Variants in OPRM1 observed in about 807,000 individuals in gnomAD.
OPRM1 encodes opioid receptor mu 1.
In OPRM1, 27 loss-of-function variants were observed where a neutral mutation model predicts 31.8. The observed-to-expected ratio is 0.85, with a 90% confidence interval of 0.63 to 1.17. The LOEUF is 1.17. Ranked by LOEUF, OPRM1 falls within the 50% of genes most tolerant of loss-of-function variation. The pLI, the probability that OPRM1 is intolerant of heterozygous loss-of-function variation, is 0.00. For missense variants in OPRM1, 536 were observed against 511.1 expected (o/e 1.05, Z -0.47); for synonymous variants, 196 against 189.9 (o/e 1.03, Z -0.26).
chr6:154,105,705 T>C (rs1795474663), intron 3 of OPRM1, among the ~76,000 whole-genome samples: 1 of 152,206 alleles, frequency 6.6e-6, no homozygotes, highest in Non-Finnish European at 1.5e-5. Flanking sequence ...ATATTAGAAT[T>C]ATAGGAGTTT....
At chr6:154,044,983 G>C (rs1583204557) in intron 1 of OPRM1, among the ~76,000 whole-genome samples, 2 of 151,564 alleles carry the variant, frequency 1.3e-5, no homozygotes, top group Admixed American at 6.5e-5. Flanking sequence ...CCAGCGCTTT[G>C]GGAGGCTGAG....
chr6:154,041,054 C>A (rs907718739), intron 1 of OPRM1, among the ~76,000 whole-genome samples: 3 of 151,942 alleles, frequency 2.0e-5, no homozygotes, highest in African/African-American at 7.3e-5. Flanking sequence ...ACCTATTCAG[C>A]AAGTATTGCA....
rs747703237 is a variant in OPRM1, at chr6:154,090,964, G to T, written c.656G>T (p.Cys219Phe). 1.9e-6 allele frequency: 3 copies of T among 1,613,380 alleles called. No homozygotes were observed. The highest frequency in any genetic ancestry group is 2.5e-6 in the Non-Finnish European group (3 of 1,179,650). ...TCCTTTCTTCTAGGTTCCATAGATT[G>T]TACACTAACATTCTCTCATCCAACC... is the stretch of plus-strand genomic sequence containing the variant. ...TTKYRQGSID[C>F]TLTFSHPTWY... Residue 219 changes from cysteine (C) to phenylalanine (F), a missense_variant, in exon 3 of 4, where the codon TGT (cysteine) becomes TTT (phenylalanine). Physicochemically the swap from Cys to Phe is radical, Grantham distance 205. Transcript: ENST00000330432.
intron 3 of OPRM1, among the ~76,000 whole-genome samples, chr6:154,149,599 T>A (rs541384856): frequency 1.8e-5 from 1 of 56,944 alleles, no homozygotes; most frequent in Non-Finnish European, 3.3e-5. Flanking sequence ...TTCTGGATCG[T>A]GTGTGTGTGT....
intron 3 of OPRM1, chr6:154,107,689 G>C (rs938825395): frequency 4.2e-6 from 3 of 718,540 alleles, no homozygotes; most frequent in Non-Finnish European, 7.8e-6. Flanking sequence ...CTGCCGTGTG[G>C]TTAAAAGGTC....
chr6:154,039,074 A>T, upstream of OPRM1: 1 of 1,414,896 alleles, frequency 7.1e-7, no homozygotes, highest in South Asian at 1.5e-5. Context: ...AAATTGAGTG[A>T]TGTTAGCCCC....
At chr6:154,024,754 T>C (rs989233582) in intron 1 of OPRM1, among the ~76,000 whole-genome samples, 24 of 151,318 alleles carry the variant, frequency 1.6e-4, no homozygotes, top group Admixed American at 1.4e-3. Flanking sequence ...TTATCATTTG[T>C]TTCAAGAATT....
At position 154,130,708 on chromosome 6, in the gene OPRM1, C is replaced by A. The variant is rs191957030; in HGVS notation, c.*11987C>A. ...ATTATATGAAAGTATATATGCCATT[C>A]CATAAAAATATATCTACCAATATAA... On this transcript the variant is annotated 3_prime_UTR_variant, in exon 4 of 4. Transcript: ENST00000330432. Among the ~76,000 whole-genome samples, 1 of 151,522 alleles carries A rather than the reference C, an allele frequency of 6.6e-6. No homozygotes were observed. The highest frequency in any genetic ancestry group is 2.1e-4 in the South Asian group (1 of 4,778).
At chr6:154,116,479 G>A (rs1796887302) in intron 3 of OPRM1, among the ~76,000 whole-genome samples, 1 of 151,820 alleles carries the variant, frequency 6.6e-6, no homozygotes, top group African/African-American at 2.4e-5. Flanking sequence ...CAGCTACTCA[G>A]GAGGCTGAGG....
chr6:154,159,523 T>A (rs1035469312), intron 3 of OPRM1: 3 of 356,894 alleles, frequency 8.4e-6, no homozygotes, highest in Non-Finnish European at 1.5e-5. Flanking sequence ...TGGAGAGCAA[T>A]GAACAGAAGA....
At chr6:154,200,118 A>G (rs1776942931) in intron 3 of OPRM1, 6 of 1,305,442 alleles carry the variant, frequency 4.6e-6, no homozygotes, top group South Asian at 3.0e-5. Flanking sequence ...TTTATTTTCA[A>G]TCACGGTGTC....
chr6:154,152,342 AG>A lies in OPRM1; in HGVS notation c.1164+60871del, dbSNP rs753144151. Among the ~76,000 whole-genome samples the A allele has an allele frequency of 3.3e-3, 64 of 19,592 alleles. 1 individual carries two copies. The highest frequency in any genetic ancestry group is 8.5e-3 in the South Asian group (4 of 470). The allele number at this position is 19,592 out of a possible 152,430, so 12.9% of individuals were successfully genotyped here. ...AAGAAAGAAAGAAAGAAAGAAAGAA[AG>A]AAAGGAAAGAAAGAAAGAAAGAAAG... On this transcript the variant is annotated intron_variant, in intron 3 of 3. Coordinates refer to the OPRM1 transcript ENST00000337049.
At chr6:154,081,588 G>A (rs1373005039) in intron 1 of OPRM1, among the ~76,000 whole-genome samples, 4 of 152,146 alleles carry the variant, frequency 2.6e-5, no homozygotes, top group Non-Finnish European at 5.9e-5. Flanking sequence ...AACTATGACT[G>A]TTACAGCATT....
chr6:154,093,261 C>T, intron 3 of OPRM1: 1 of 1,605,836 alleles, frequency 6.2e-7, no homozygotes, highest in South Asian at 1.1e-5. Context: ...CTGACTCTTT[C>T]TCCTTTAGTG....
At chr6:154,241,099 G>C (rs1175720579) in intron 3 of OPRM1, among the ~76,000 whole-genome samples, 1 of 152,058 alleles carries the variant, frequency 6.6e-6, no homozygotes, top group East Asian at 1.9e-4. Flanking sequence ...AGCTGGGCGT[G>C]GTGGTGCACG....
chr6:154,197,292 A>G (rs1411866438), intron 3 of OPRM1, among the ~76,000 whole-genome samples: 1 of 152,214 alleles, frequency 6.6e-6, no homozygotes, highest in Non-Finnish European at 1.5e-5. Flanking sequence ...AAAATGCACA[A>G]TATGAAATTT....
intron 3 of OPRM1, chr6:154,093,600 A>G: frequency 7.1e-7 from 1 of 1,413,692 alleles, no homozygotes; most frequent in Non-Finnish European, 9.4e-7. Context: ...TGCTTTAAAA[A>G]TACATCCAAT....
intron 2 of OPRM1, among the ~76,000 whole-genome samples, chr6:154,090,607 C>T (rs1791877180): frequency 6.6e-6 from 1 of 152,132 alleles, no homozygotes; most frequent in Non-Finnish European, 1.5e-5. Context: ...ACATCCATTA[C>T]CTGGAGCCGC....
chr6:154,024,992 G>A (rs1778606345), intron 1 of OPRM1, among the ~76,000 whole-genome samples: 2 of 152,026 alleles, frequency 1.3e-5, no homozygotes, highest in Non-Finnish European at 2.9e-5. Context: ...GGAGAAGAAT[G>A]TGTATTCTGT....
Sources: allele counts gnomAD v4.1 joint callset (sites outside exome capture counted in the v4.1 genomes callset), GRCh38; gene constraint gnomAD v4.1.1; transcripts MANE v1.5; gene names NCBI Gene and HGNC (gene_info 2026-07-23, HGNC 2026-07-21).